BBS4: variants seen among roughly 807,000 people sequenced by gnomAD.
BBS4 encodes the protein Bardet-Biedl syndrome 4.
A neutral mutation model predicts 71.4 loss-of-function variants in BBS4; 58 were observed. That is an observed-to-expected ratio of 0.81 (90% CI 0.66 to 1.01). The LOEUF is 1.01. Among genes scored for constraint, BBS4 ranks in the 50% least tolerant of loss-of-function variants. BBS4 has a pLI of 0.00. For missense variants in BBS4, 660 were observed against 607.9 expected (o/e 1.09, Z -0.90); for synonymous variants, 228 against 216.8 (o/e 1.05, Z -0.46).
intron 12 of BBS4, among the ~76,000 whole-genome samples, chr15:72,732,542 T>C (rs2065846012): frequency 6.6e-6 from 1 of 152,338 alleles, no homozygotes; most frequent in Non-Finnish European, 1.5e-5. Flanking sequence ...AGTGGCTTTT[T>C]GTTCATTACT....
Position 72,724,610 on chromosome 15 carries a change from A to AG in BBS4, c.545dup (p.Asp183ArgfsTer7). On this transcript the variant is annotated frameshift_variant, in exon 8 of 16. Coordinates refer to ENST00000268057, the MANE Select transcript of BBS4 (RefSeq NM_033028.5). LOFTEE classifies it high-confidence loss of function. ...ATGCTGGGGAAGATCCACTTGCTGGAGGGAGACTTGGACAAGGCCATTGAA... is the reference window on the plus strand; with the variant it reads ...ATGCTGGGGAAGATCCACTTGCTGGAGGGGAGACTTGGACAAGGCCATTGAA... The AG allele has an allele frequency of 6.2e-7, 1 of 1,614,158 alleles. No homozygotes were observed. Among genetic ancestry groups the AG allele is most frequent in the African/African-American group, 1.3e-5 (1 of 75,048 alleles).
At position 72,714,133 on chromosome 15, in the gene BBS4, A is replaced by G. The variant is rs544405487; in HGVS notation, c.221-1158A>G. ...GAGGATTTCTGTAAGGTGAATCAGG[A>G]TGAGGGGAAGAAGCCTGGAAATAAA... On this transcript the variant is annotated intron_variant, in intron 4 of 15. Transcript: ENST00000268057. Among the ~76,000 whole-genome samples the G allele has an allele frequency of 9.8e-4, 148 of 151,452 alleles. 1 individual carries two copies. The highest frequency in any genetic ancestry group is 3.1e-3 in the African/African-American group (128 of 41,416).
At chr15:72,727,549 A>C (rs761012557) in intron 8 of BBS4, among the ~76,000 whole-genome samples, 2 of 152,158 alleles carry the variant, frequency 1.3e-5, no homozygotes, top group Non-Finnish European at 2.9e-5. Context: ...TTGTGAGCAC[A>C]ATGAGGATAG....
rs372145606 is a variant in BBS4, at chr15:72,715,438, A to G, written c.332+36A>G. 5.7e-5 allele frequency: 81 copies of G among 1,420,566 alleles called. No homozygotes were observed. The African/African-American group carries it at 8.0e-4, about 14-fold the overall frequency. 88.0% of individuals were successfully genotyped at this position (1,420,566 alleles called of 1,614,324 possible). A position where few individuals can be genotyped will look rare whatever the true frequency, so the allele number is the denominator to read the frequency against. Reference sequence around the variant, plus strand: ...GCAACCTGGAGGCCCTAGGGCACTCACAGAGAACAGTGTAAAATGCATTCC... The same window carrying G: ...GCAACCTGGAGGCCCTAGGGCACTCGCAGAGAACAGTGTAAAATGCATTCC... On this transcript the variant is annotated intron_variant, in intron 5 of 15. Coordinates refer to ENST00000268057, the MANE Select transcript of BBS4 (RefSeq NM_033028.5).
chr15:72,708,421 C>A (rs2065304390), intron 2 of BBS4, among the ~76,000 whole-genome samples: 1 of 152,156 alleles, frequency 6.6e-6, no homozygotes, highest in Non-Finnish European at 1.5e-5. Context: ...TAATTTCTTA[C>A]ACCTGTCTTT....
Position 72,738,386 on chromosome 15 carries a change from A to C in BBS4, c.*799A>C, listed in dbSNP as rs1312520677. On this transcript the variant is annotated 3_prime_UTR_variant, in exon 16 of 16. Coordinates refer to ENST00000268057, the MANE Select transcript of BBS4 (RefSeq NM_033028.5). ...CAATACACTATGTGTCCTTTTTAGA[A>C]TAAAGATTACATATCATCATTCCTT... is the stretch of plus-strand genomic sequence containing the variant. 2.3e-6 allele frequency: 1 copy of C among 431,250 alleles called. No homozygotes were observed. Among genetic ancestry groups the C allele is most frequent in the Non-Finnish European group, 4.6e-6 (1 of 218,046 alleles). 26.7% of individuals were successfully genotyped at this position (431,250 alleles called of 1,614,324 possible).
At chr15:72,703,449 T>C (rs951414503) in intron 2 of BBS4, among the ~76,000 whole-genome samples, 1 of 152,244 alleles carries the variant, frequency 6.6e-6, no homozygotes, top group Non-Finnish European at 1.5e-5. Flanking sequence ...ACATTTATAT[T>C]CTTTTCAAGA....
intron 2 of BBS4, among the ~76,000 whole-genome samples, chr15:72,700,414 G>C (rs1054123827): frequency 6.6e-6 from 1 of 152,210 alleles, no homozygotes; most frequent in Non-Finnish European, 1.5e-5. Flanking sequence ...CGCCAGCAAC[G>C]TGTGAGGATT....
In BBS4 at chr15:72,716,857, A is replaced by G. The variant is rs778651927; in HGVS notation, c.405+7A>G. On this transcript the variant is annotated splice_region_variant and intron_variant, in intron 6 of 15. Transcript: ENST00000268057. ...ACTCAACCAGAAAGATTGGGTAAGT[A>G]GAGAACTTTCAGTTCTTTCTTATTA... The G allele has an allele frequency of 3.5e-5, 56 of 1,600,188 alleles. No individual in the cohort carries two copies. In the South Asian group the frequency reaches 6.1e-4, roughly 17 times the overall value.
At chr15:72,703,922 T>C (rs564413368) in intron 2 of BBS4, among the ~76,000 whole-genome samples, 23 of 152,354 alleles carry the variant, frequency 1.5e-4, no homozygotes, top group African/African-American at 5.5e-4. Context: ...TAAGCAGAAT[T>C]TGAAATTCTT....
intron 2 of BBS4, among the ~76,000 whole-genome samples, chr15:72,705,258 T>C (rs184000286): frequency 2.0e-4 from 30 of 152,308 alleles, no homozygotes; most frequent in Admixed American, 2.0e-3. Flanking sequence ...GTGCCTGGAA[T>C]CATGGTAGGT....
intron 4 of BBS4, among the ~76,000 whole-genome samples, chr15:72,713,349 A>ACACG (rs1555499570): frequency 8.9e-5 from 10 of 112,616 alleles, no homozygotes; most frequent in Non-Finnish European, 1.5e-4. Context: ...ACACACACAC[A>ACACG]CGCACACGCA....
At position 72,709,760 on chromosome 15, in the gene BBS4, A is replaced by G. The variant is rs75295839; in HGVS notation, c.137A>G (p.Lys46Arg). The G allele has an allele frequency of 8.9e-3, 14,375 of 1,613,402 alleles. 97 individuals are homozygous for G. The highest frequency in any genetic ancestry group is 0.011 in the Non-Finnish European group (12,585 of 1,179,514). Residue 46 changes from lysine (K) to arginine (R), a missense_variant, in exon 3 of 16, where the codon AAA (lysine) becomes AGA (arginine). Coordinates refer to ENST00000268057, the MANE Select transcript of BBS4 (RefSeq NM_033028.5). Reference sequence around the variant, plus strand: ...TTGATTCATCTTCATTATATCCGGAAAGATTATGAAGCCTGCAAGGTAAGA... The same window carrying G: ...TTGATTCATCTTCATTATATCCGGAGAGATTATGAAGCCTGCAAGGTAAGA... Reference protein sequence around the residue: ...NWLIHLHYIRKDYEACKAVIK... With the variant: ...NWLIHLHYIRRDYEACKAVIK...
chr15:72,729,677 A>C lies in BBS4; in HGVS notation c.704A>C (p.Asn235Thr). 1 of 1,613,844 alleles carries C rather than the reference A, an allele frequency of 6.2e-7. No homozygotes were observed. Among genetic ancestry groups the C allele is most frequent in the African/African-American group, 1.3e-5 (1 of 74,986 alleles). ...LGNALTYDPT[N>T]YKAILAAGSM... ...AATGCACTGACTTATGACCCTACCA[A>C]CTACAAGGTATTACAGGCTGTGAAG... is the stretch of plus-strand genomic sequence containing the variant. The change falls in exon 10 of 16, where the codon AAC (asparagine) becomes ACC (threonine). Residue 235 changes from asparagine to threonine, a missense_variant. By Grantham distance (65) the Asn-to-Thr change is moderately conservative. Coordinates refer to ENST00000268057, the MANE Select transcript of BBS4 (RefSeq NM_033028.5).
intron 1 of BBS4, among the ~76,000 whole-genome samples, chr15:72,691,581 T>C (rs2064984237): frequency 6.6e-6 from 1 of 152,190 alleles, no homozygotes; most frequent in Non-Finnish European, 1.5e-5. Context: ...ATTTCAACAC[T>C]GTATAGTATC....
chr15:72,729,251 T>G (rs1308402242), intron 9 of BBS4, among the ~76,000 whole-genome samples: 416 of 3,136 alleles, frequency 0.13, 1 homozygote, highest in African/African-American at 0.14. Context: ...CAGACTGTTT[T>G]TTTTTTTTTT....
chr15:72,735,763 G>A, intron 13 of BBS4, 62 bp from the exon 14 acceptor site: 1 of 1,603,916 alleles, frequency 6.2e-7, no homozygotes, highest in Non-Finnish European at 8.5e-7. Context: ...GTAATGAGAA[G>A]GATCTCTAAA....
rs1393433136 is a variant in BBS4, at chr15:72,709,077, G to A, written c.77-623G>A. 2.0e-5 allele frequency among the ~76,000 whole-genome samples: 3 copies of A among 152,140 alleles called. No homozygotes were observed. In the South Asian group the frequency reaches 6.2e-4, roughly 31 times the overall value. ...GTTTCCTCAGAAGCATGTGATCTTT[G>A]TTCTCCTTTTTGCCCTTTGAGGCAT... On this transcript the variant is annotated intron_variant, in intron 2 of 15. Coordinates refer to ENST00000268057, the MANE Select transcript of BBS4 (RefSeq NM_033028.5).
At chr15:72,733,307 A>T (rs1435994812) in intron 12 of BBS4, among the ~76,000 whole-genome samples, 1 of 151,090 alleles carries the variant, frequency 6.6e-6, no homozygotes, top group East Asian at 1.9e-4. Context: ...TTTTTTAAAA[A>T]TTTTATTTTA....
Sources: allele counts gnomAD v4.1 joint callset (sites outside exome capture counted in the v4.1 genomes callset), GRCh38; gene constraint gnomAD v4.1.1; transcripts MANE v1.5; gene names NCBI Gene and HGNC (gene_info 2026-07-23, HGNC 2026-07-21).